Variants in DPH6 observed in about 807,000 individuals in gnomAD.
DPH6 encodes the protein diphthine--ammonia ligase.
A neutral mutation model predicts 38.2 loss-of-function variants in DPH6; 33 were observed. The observed-to-expected ratio is 0.86, with a 90% confidence interval of 0.65 to 1.15. The LOEUF (loss-of-function observed/expected upper bound fraction) is 1.15. Ranked by LOEUF, DPH6 falls within the 50% of genes most tolerant of loss-of-function variation. The probability of loss-of-function intolerance (pLI) is 0.00; values close to 1 mark genes in which losing one functional copy is unlikely to be tolerated. For synonymous variants in DPH6, 108 were observed against 103.0 expected, an observed-to-expected ratio of 1.05 and a Z score of -0.30; for missense variants, 325 against 320.0, an observed-to-expected ratio of 1.02 and a Z score of -0.12.
chr15:35,169,203 C>A, the DPH6 span, among the ~76,000 whole-genome samples: 4 of 152,008 alleles, frequency 2.6e-5, no homozygotes, highest in African/African-American at 9.7e-5. Flanking sequence ...ATATTCATAT[C>A]ATATTCATGA....
chr15:35,282,722 G>A, intron 3 of DPH6: 1 of 360,008 alleles, frequency 2.8e-6, no homozygotes, highest in South Asian at 2.9e-5. Context: ...TACGTGGGAA[G>A]GACAGCAGTT....
intron 3 of DPH6, among the ~76,000 whole-genome samples, chr15:35,247,817 G>A (rs569777744): frequency 1.3e-4 from 20 of 152,156 alleles, no homozygotes; most frequent in African/African-American, 2.9e-4. Flanking sequence ...ACTATGCACC[G>A]TCAAAATAAG....
chr15:35,382,164 G>A (rs756050163), intron 6 of DPH6, among the ~76,000 whole-genome samples: 1 of 152,170 alleles, frequency 6.6e-6, no homozygotes, highest in Non-Finnish European at 1.5e-5. Context: ...GGCCAGGCGC[G>A]TTGGCTCACG....
the DPH6 span, among the ~76,000 whole-genome samples, chr15:35,151,083 A>C: frequency 6.6e-6 from 1 of 152,352 alleles, no homozygotes; most frequent in African/African-American, 2.4e-5. Flanking sequence ...GGAAGAAGTA[A>C]AACATGTAGG....
Position 35,371,496 on chromosome 15 carries a change from T to C in DPH6, c.*654A>G. The C allele has an allele frequency of 1.2e-6, 1 of 828,104 alleles. No homozygotes were observed. Among genetic ancestry groups the C allele is most frequent in the Non-Finnish European group, 1.5e-6 (1 of 686,778 alleles). 51.3% of individuals were successfully genotyped at this position (828,104 alleles called of 1,614,324 possible). A position where few individuals can be genotyped will look rare whatever the true frequency, so the allele number is the denominator to read the frequency against. On this transcript the variant is annotated 3_prime_UTR_variant, in exon 9 of 9. Coordinates refer to ENST00000256538, the MANE Select transcript of DPH6 (RefSeq NM_080650.4). ...AATCTCTGCATTTTCTGCTCCATTTTTGCTGTGAACCTAAAACTGTTCTAA... is the reference window on the plus strand; with the variant it reads ...AATCTCTGCATTTTCTGCTCCATTTCTGCTGTGAACCTAAAACTGTTCTAA...
chr15:35,503,019 C>A (rs1407345145), intron 3 of DPH6, among the ~76,000 whole-genome samples: 2 of 150,532 alleles, frequency 1.3e-5, no homozygotes, highest in African/African-American at 2.4e-5. Context: ...AAAGTGACTG[C>A]ATCATTTGTT....
intron 3 of DPH6, among the ~76,000 whole-genome samples, chr15:35,247,078 C>T (rs2051642450): frequency 6.6e-6 from 1 of 152,154 alleles, no homozygotes; most frequent in Admixed American, 6.5e-5. Context: ...AATACCACAG[C>T]TGATAAAGCT....
At chr15:35,424,462 T>G (rs1013286100) in intron 5 of DPH6, among the ~76,000 whole-genome samples, 1 of 151,624 alleles carries the variant, frequency 6.6e-6, no homozygotes, top group African/African-American at 2.4e-5. Context: ...ATTTTTTTTT[T>G]TGTCAAGTCT....
At chr15:35,397,868 T>TATACACACACACACACAC (rs752473433) in intron 6 of DPH6, among the ~76,000 whole-genome samples, 4 of 87,258 alleles carry the variant, frequency 4.6e-5, no homozygotes, top group Non-Finnish European at 7.2e-5. Context: ...TTTATATATA[T>TATACACACACACACACAC]ACACACACAC....
chr15:35,303,271 G>A (rs1029328544), intron 3 of DPH6, among the ~76,000 whole-genome samples: 5 of 151,642 alleles, frequency 3.3e-5, no homozygotes, highest in African/African-American at 4.8e-5. Flanking sequence ...ATAAAGGTGC[G>A]ATGTTATCTA....
At chr15:35,466,479 A>G (rs1420295553) in intron 3 of DPH6, among the ~76,000 whole-genome samples, 2 of 152,226 alleles carry the variant, frequency 1.3e-5, no homozygotes, top group African/African-American at 4.8e-5. Context: ...TGAGATAACT[A>G]AAATGAAACT....
the DPH6 span, among the ~76,000 whole-genome samples, chr15:35,184,240 C>G: frequency 1.3e-5 from 2 of 152,246 alleles, no homozygotes; most frequent in South Asian, 2.1e-4. Context: ...TTCATTCAGC[C>G]AAGTCTGATA....
intron 3 of DPH6, among the ~76,000 whole-genome samples, chr15:35,336,955 C>A (rs1473444432): frequency 5.9e-5 from 9 of 151,972 alleles, no homozygotes; most frequent in Non-Finnish European, 5.9e-5. Flanking sequence ...ATGATGCTGG[C>A]CTCATAAAAT....
intron 4 of DPH6, among the ~76,000 whole-genome samples, chr15:35,452,529 T>C (rs1394185728): frequency 1.3e-5 from 2 of 152,116 alleles, no homozygotes; most frequent in Admixed American, 6.5e-5. Context: ...CCAATACTTA[T>C]TAAATGTACC....
At chr15:35,247,644 A>C (rs1478000177) in intron 3 of DPH6, among the ~76,000 whole-genome samples, 1 of 152,184 alleles carries the variant, frequency 6.6e-6, no homozygotes, top group Non-Finnish European at 1.5e-5. Context: ...GAGATGTTTT[A>C]CTATTTCTTT....
intron 3 of DPH6, among the ~76,000 whole-genome samples, chr15:35,365,197 C>T (rs149917472): frequency 6.5e-4 from 99 of 152,152 alleles, no homozygotes; most frequent in African/African-American, 1.5e-3. Flanking sequence ...TCCTAGATCA[C>T]GCTTATTCCC....
chr15:35,474,863 G>A (rs182907209), intron 3 of DPH6, among the ~76,000 whole-genome samples: 6 of 151,848 alleles, frequency 4.0e-5, no homozygotes, highest in African/African-American at 9.7e-5. Context: ...ACCGTACCTC[G>A]TGCTACCTGC....
intron 3 of DPH6, among the ~76,000 whole-genome samples, chr15:35,464,645 T>G (rs1023654170): frequency 6.6e-6 from 1 of 152,204 alleles, no homozygotes; most frequent in African/African-American, 2.4e-5. Context: ...TTGGTCTCCA[T>G]TTGGTAGCTG....
intron 3 of DPH6, among the ~76,000 whole-genome samples, chr15:35,269,425 A>G (rs950092116): frequency 6.6e-6 from 1 of 152,166 alleles, no homozygotes; most frequent in Non-Finnish European, 1.5e-5. Context: ...TTAGTCAGTA[A>G]GGATAAACCT....
Sources: allele counts gnomAD v4.1 joint callset (sites outside exome capture counted in the v4.1 genomes callset), GRCh38; gene constraint gnomAD v4.1.1; transcripts MANE v1.5; gene names NCBI Gene and HGNC (gene_info 2026-07-23, HGNC 2026-07-21).